Variants in CPNE4 observed in about 807,000 individuals in gnomAD.
CPNE4 encodes copine 4, also known as copine-4.
A neutral mutation model predicts 67.9 loss-of-function variants in CPNE4; 25 were observed. The observed-to-expected ratio is 0.37, with a 90% CI of 0.27 to 0.51. The LOEUF is 0.51. Ranked by LOEUF, CPNE4 falls within the 20% of genes least tolerant of loss-of-function variation. The probability of loss-of-function intolerance (pLI) is 0.93; values close to 1 mark genes in which losing one functional copy is unlikely to be tolerated. For synonymous variants in CPNE4, 242 were observed against 244.9 expected (o/e 0.99, Z 0.11); for missense variants, 464 against 690.8 (o/e 0.67, Z 3.68).
intron 7 of CPNE4, among the ~76,000 whole-genome samples, chr3:131,665,688 A>AAACAAAC (rs1560077779): frequency 0.026 from 1,774 of 67,992 alleles, 36 homozygotes; most frequent in African/African-American, 0.072. Flanking sequence ...AACAAACAAA[A>AAACAAAC]AACAGAAAGA....
At chr3:131,744,764 T>G (rs953375965) in intron 2 of CPNE4, among the ~76,000 whole-genome samples, 1 of 152,266 alleles carries the variant, frequency 6.6e-6, no homozygotes, top group Admixed American at 6.5e-5. Flanking sequence ...TGTGTATCAG[T>G]AATTTGTTCC....
intron 7 of CPNE4, among the ~76,000 whole-genome samples, chr3:131,596,285 G>A (rs1938849488): frequency 6.6e-6 from 1 of 152,120 alleles, no homozygotes; most frequent in South Asian, 2.1e-4. Context: ...TCAAGTATGT[G>A]CAATTCTTTA....
chr3:131,622,978 T>C (rs1037561163), intron 7 of CPNE4, among the ~76,000 whole-genome samples: 1 of 152,174 alleles, frequency 6.6e-6, no homozygotes, highest in Admixed American at 6.5e-5. Context: ...TCAATAGGTG[T>C]CTAGAAGAGA....
At chr3:131,677,113 G>T (rs2080596854) in intron 6 of CPNE4, among the ~76,000 whole-genome samples, 2 of 151,430 alleles carry the variant, frequency 1.3e-5, no homozygotes, top group East Asian at 1.9e-4. Flanking sequence ...GTTTTAATTT[G>T]CATTTCTCTA....
intron 2 of CPNE4, among the ~76,000 whole-genome samples, chr3:131,801,442 G>GTATATA (rs1458010843): frequency 8.8e-5 from 8 of 90,742 alleles, no homozygotes; most frequent in African/African-American, 3.8e-4. Context: ...GTGTGTGTGT[G>GTATATA]TGTGTGTGTG....
intron 15 of CPNE4, among the ~76,000 whole-genome samples, chr3:131,539,156 A>G (rs1170175602): frequency 1.3e-5 from 2 of 152,184 alleles, no homozygotes; most frequent in African/African-American, 4.8e-5. Flanking sequence ...AATGAAATGG[A>G]TTTCAAAATC....
At chr3:131,899,459 A>T (rs557821431) in intron 2 of CPNE4, among the ~76,000 whole-genome samples, 9 of 152,214 alleles carry the variant, frequency 5.9e-5, no homozygotes, top group African/African-American at 2.2e-4. Context: ...TGAAAACCAG[A>T]CAAAATATGT....
intron 2 of CPNE4, among the ~76,000 whole-genome samples, chr3:131,868,377 C>G (rs2087049418): frequency 1.3e-5 from 2 of 152,146 alleles, no homozygotes; most frequent in Admixed American, 1.3e-4. Context: ...GGCTGAAATG[C>G]AGACTGACAC....
rs928913252 is a variant in CPNE4, at chr3:131,731,005, A to G, written c.181-7380T>C. 3.3e-5 allele frequency among the ~76,000 whole-genome samples: 5 copies of G among 152,176 alleles called. No homozygotes were observed. The East Asian group carries it at 7.7e-4, about 23-fold the overall frequency. ...ACCACTTAATGGATATATCTCCAAA[A>G]AAGCACTCTTCACCCATCAAGCAGT... On this transcript the variant is annotated intron_variant, in intron 2 of 15. Coordinates refer to ENST00000429747, the MANE Select transcript of CPNE4 (RefSeq NM_130808.3).
chr3:131,694,153 G>A (rs557546989), intron 5 of CPNE4, among the ~76,000 whole-genome samples: 8 of 152,210 alleles, frequency 5.3e-5, no homozygotes, highest in African/African-American at 1.4e-4. Flanking sequence ...CAATTTTTAA[G>A]TGTATGTAGA....
At chr3:131,628,849 AG>A (rs2079147237) in intron 7 of CPNE4, among the ~76,000 whole-genome samples, 1 of 150,472 alleles carries the variant, frequency 6.6e-6, no homozygotes, top group Non-Finnish European at 1.5e-5. Context: ...AAAAAAAACC[AG>A]CTCCTGGATT....
chr3:131,580,997 C>G (rs1011490816), intron 9 of CPNE4, among the ~76,000 whole-genome samples: 6 of 152,008 alleles, frequency 3.9e-5, no homozygotes, highest in African/African-American at 1.4e-4. Flanking sequence ...CATGGTGAAA[C>G]CCCATCTCTA....
At chr3:131,955,305 C>T (rs919928903) in intron 1 of CPNE4, among the ~76,000 whole-genome samples, 1 of 151,300 alleles carries the variant, frequency 6.6e-6, no homozygotes, top group East Asian at 1.9e-4. Context: ...ATGTAATTTC[C>T]CTTTCTTTCT....
rs1238209563 is a variant in CPNE4, at chr3:131,575,211, C to T, written c.868-81G>A. 7 of 1,178,028 alleles carry T rather than the reference C, an allele frequency of 5.9e-6. No homozygotes were observed. The East Asian group carries it at 1.2e-4, about 20-fold the overall frequency. 73.0% of individuals were successfully genotyped at this position (1,178,028 alleles called of 1,614,324 possible). A position where few individuals can be genotyped will look rare whatever the true frequency, so the allele number is the denominator to read the frequency against. On this transcript the variant is annotated intron_variant, in intron 9 of 15. Coordinates refer to ENST00000429747, the MANE Select transcript of CPNE4 (RefSeq NM_130808.3). ...ATATTGGAGGCCTAAAGGTTGGTGA[C>T]TGATAAGCTGCTAAACCAGAGGAAA...
At chr3:131,978,098 TAAATATATATA>T (rs1164541593) in intron 1 of CPNE4, among the ~76,000 whole-genome samples, 4 of 76,438 alleles carry the variant, frequency 5.2e-5, no homozygotes, top group African/African-American at 2.0e-4. Context: ...AATATATATA[TAAATATATATA>T]AAATATATAT....
At chr3:131,760,495 T>C (rs1169998880) in intron 2 of CPNE4, among the ~76,000 whole-genome samples, 1 of 152,182 alleles carries the variant, frequency 6.6e-6, no homozygotes, top group Non-Finnish European at 1.5e-5. Flanking sequence ...CTAATCAAAC[T>C]CAGGTTCCCA....
chr3:131,615,903 AC>A (rs1559988019), intron 7 of CPNE4, among the ~76,000 whole-genome samples: 9 of 98,474 alleles, frequency 9.1e-5, no homozygotes, highest in African/African-American at 5.5e-4. Context: ...ACACACACAC[AC>A]ACACACACAC....
At chr3:131,626,773 C>T (rs768203866) in intron 7 of CPNE4, among the ~76,000 whole-genome samples, 5 of 152,176 alleles carry the variant, frequency 3.3e-5, no homozygotes, top group Admixed American at 6.5e-5. Flanking sequence ...CCATCTAGGA[C>T]TTTCTTAGCT....
rs138700512 is a variant in CPNE4 at position 131,845,089 on chromosome 3, T to C, written c.180+60175A>G. 4.5e-4 allele frequency among the ~76,000 whole-genome samples: 69 copies of C among 152,274 alleles called. 1 individual carries two copies. The highest frequency in any genetic ancestry group is 1.5e-3 in the African/African-American group (63 of 41,564). ...TGAAATCACCTAACAAAGTGAAAAA[T>C]AGACTCAAAGTTTTGATTCCATTTA... On this transcript the variant is annotated intron_variant, in intron 2 of 15. Transcript: ENST00000429747.
Sources: gnomAD v4.1 joint callset for allele counts (sites outside exome capture counted in the v4.1 genomes callset) on GRCh38, gnomAD v4.1.1 for gene constraint, MANE v1.5 for transcripts, NCBI Gene and HGNC (gene_info 2026-07-23, HGNC 2026-07-21) for gene names.